TRERF1: variants seen among roughly 807,000 people sequenced by gnomAD.
TRERF1 encodes the protein transcriptional regulating factor 1.
TRERF1 carries 27 observed loss-of-function variants against 122.9 expected under a neutral mutation model. The ratio of observed to expected loss-of-function variants is 0.22; its 90% confidence interval spans 0.16 to 0.30. TRERF1 has a LOEUF of 0.30. TRERF1 is among the 10% of genes least tolerant of loss of function. TRERF1 has a pLI of 1.00. For missense variants in TRERF1, 1,248 were observed against 1,560.3 expected, an observed-to-expected ratio of 0.80 and a Z score of 3.37; for synonymous variants, 636 against 641.7, an observed-to-expected ratio of 0.99 and a Z score of 0.13.
At chr6:42,313,458 G>A (rs879506096) in intron 3 of TRERF1, among the ~76,000 whole-genome samples, 2 of 152,058 alleles carry the variant, frequency 1.3e-5, no homozygotes, top group Admixed American at 6.6e-5. Context: ...TCCTTGGAGC[G>A]ATTACATAAG....
chr6:42,392,911 CACACACACATACACACACAT>C (rs1265140936), intron 2 of TRERF1, among the ~76,000 whole-genome samples: 1 of 115,906 alleles, frequency 8.6e-6, no homozygotes, highest in South Asian at 3.2e-4. Context: ...ACAAGCAGCA[CACACACACATACACACACAT>C]ACACACACAC....
chr6:42,428,602 C>G (rs954577317), intron 2 of TRERF1, among the ~76,000 whole-genome samples: 2 of 152,200 alleles, frequency 1.3e-5, no homozygotes, highest in Non-Finnish European at 2.9e-5. Context: ...GTGAGACTGG[C>G]CTATCCCCAT....
intron 3 of TRERF1, among the ~76,000 whole-genome samples, chr6:42,345,805 C>A (rs886705490): frequency 3.3e-5 from 5 of 152,200 alleles, no homozygotes; most frequent in Admixed American, 1.3e-4. Flanking sequence ...TCCTGCCCTC[C>A]TTCTCCATTC....
At chr6:42,290,130 C>T (rs1457268267) in intron 4 of TRERF1, among the ~76,000 whole-genome samples, 3 of 152,184 alleles carry the variant, frequency 2.0e-5, no homozygotes, top group African/African-American at 4.8e-5. Flanking sequence ...GCCAGCACGC[C>T]GGTGAACATG....
In TRERF1 at chr6:42,264,902, G is replaced by A. The variant is rs952681255; in HGVS notation, c.1485-48C>T. ...GGAGAGGACACATACGTTGAGGAAG[G>A]GGAAACAGTGACTTGCCACAAGACC... On this transcript the variant is annotated intron_variant, in intron 6 of 17. Coordinates refer to ENST00000372922, the Ensembl canonical transcript of TRERF1. 5.6e-6 allele frequency: 9 copies of A among 1,599,494 alleles called. No individual in the cohort carries two copies. The African/African-American group carries it at 1.2e-4, about 21-fold the overall frequency.
chr6:42,256,661 G>C (rs369293204), intron 12 of TRERF1, 67 bp downstream of exon 12: 3 of 1,419,824 alleles, frequency 2.1e-6, no homozygotes, highest in African/African-American at 1.4e-5. Context: ...TGGTACATGA[G>C]ACAATATTGA....
chr6:42,253,620 T>C (rs926563940), intron 13 of TRERF1, among the ~76,000 whole-genome samples: 7 of 152,332 alleles, frequency 4.6e-5, no homozygotes, highest in African/African-American at 1.4e-4. Flanking sequence ...TTATTCCATG[T>C]GTCCACTCTG....
At chr6:42,231,443 A>G (rs1371106751) in intron 17 of TRERF1, among the ~76,000 whole-genome samples, 2 of 152,252 alleles carry the variant, frequency 1.3e-5, no homozygotes. Flanking sequence ...AACAGCAGTT[A>G]CTATTAAGTT....
At chr6:42,356,994 T>G (rs1018542217) in intron 3 of TRERF1, among the ~76,000 whole-genome samples, 1 of 152,134 alleles carries the variant, frequency 6.6e-6, no homozygotes, top group African/African-American at 2.4e-5. Flanking sequence ...TGGAGCAAGA[T>G]ATGCCTTGAG....
chr6:42,427,554 C>T (rs1562191644), intron 2 of TRERF1, among the ~76,000 whole-genome samples: 1 of 142,980 alleles, frequency 7.0e-6, no homozygotes, highest in African/African-American at 2.6e-5. Flanking sequence ...CCCTGCCTTA[C>T]TTTTTTTTTT....
At chr6:42,312,135 C>A (rs1761773796) in intron 3 of TRERF1, among the ~76,000 whole-genome samples, 1 of 152,046 alleles carries the variant, frequency 6.6e-6, no homozygotes, top group African/African-American at 2.4e-5. Context: ...TAGAAGACAG[C>A]AGGAAAGGGA....
intron 2 of TRERF1, among the ~76,000 whole-genome samples, chr6:42,373,511 C>CA (rs1314357675): frequency 6.6e-6 from 1 of 151,868 alleles, no homozygotes; most frequent in Non-Finnish European, 1.5e-5. Context: ...ATTAAAAATA[C>CA]AAAAAATTAG....
chr6:42,309,316 T>G (rs563828290), intron 3 of TRERF1, among the ~76,000 whole-genome samples: 87 of 152,336 alleles, frequency 5.7e-4, no homozygotes, highest in Non-Finnish European at 1.1e-3. Context: ...AAATGATCTC[T>G]TTTATTTTAT....
At chr6:42,272,505 C>T (rs1295032261) in intron 4 of TRERF1, among the ~76,000 whole-genome samples, 10 of 152,186 alleles carry the variant, frequency 6.6e-5, no homozygotes, top group Non-Finnish European at 2.9e-5. Context: ...TGCAGAATCT[C>T]AGGCTCCAGT....
At chr6:42,425,643 A>G (rs2151607479) in intron 2 of TRERF1, among the ~76,000 whole-genome samples, 1 of 145,004 alleles carries the variant, frequency 6.9e-6, no homozygotes, top group Middle Eastern at 3.6e-3. Flanking sequence ...TCCCAGGTTC[A>G]AGCAATTCTC....
At chr6:42,293,129 T>C (rs1784563424) in intron 4 of TRERF1, among the ~76,000 whole-genome samples, 1 of 152,180 alleles carries the variant, frequency 6.6e-6, no homozygotes. Flanking sequence ...CCTTCCCTGG[T>C]GGAAGCTCCT....
At chr6:42,334,934 T>C (rs1201612873) in intron 3 of TRERF1, among the ~76,000 whole-genome samples, 1 of 152,186 alleles carries the variant, frequency 6.6e-6, no homozygotes, top group Admixed American at 6.5e-5. Flanking sequence ...GGTGAGGTGA[T>C]GGGAATTGGC....
At chr6:42,390,539 T>G (rs1238607967) in intron 2 of TRERF1, among the ~76,000 whole-genome samples, 3 of 152,206 alleles carry the variant, frequency 2.0e-5, no homozygotes, top group Non-Finnish European at 2.9e-5. Flanking sequence ...CCTCGTAACT[T>G]TTTATTTTTG....
At chr6:42,400,018 G>GGAGT (rs1779164498) in intron 2 of TRERF1, among the ~76,000 whole-genome samples, 2 of 152,182 alleles carry the variant, frequency 1.3e-5, no homozygotes, top group South Asian at 4.1e-4. Flanking sequence ...GTCACTGTGA[G>GGAGT]ACTGTGGAAA....
Sources: gnomAD v4.1 joint callset for allele counts (sites outside exome capture counted in the v4.1 genomes callset) on GRCh38, gnomAD v4.1.1 for gene constraint, MANE v1.5 for transcripts, NCBI Gene and HGNC (gene_info 2026-07-23, HGNC 2026-07-21) for gene names.